The following CDH18 variants were observed in gnomAD, a reference collection of about 807,000 sequenced individuals.
CDH18 encodes the protein cadherin-18.
CDH18 carries 31 observed loss-of-function variants against 67.9 expected under a neutral mutation model. The ratio of observed to expected loss-of-function variants is 0.46; its 90% CI spans 0.34 to 0.62. CDH18 has a LOEUF of 0.62. Ranked by LOEUF, CDH18 falls within the 20% of genes least tolerant of loss-of-function variation. The probability of loss-of-function intolerance (pLI) is 0.01; values close to 1 mark genes in which losing one functional copy is unlikely to be tolerated. For synonymous variants in CDH18, 362 were observed against 347.2 expected (o/e 1.04, Z -0.48); for missense variants, 890 against 975.5 (o/e 0.91, Z 1.17).
chr5:19,935,469 A>G (rs966936564), intron 2 of CDH18, among the ~76,000 whole-genome samples: 3 of 151,350 alleles, frequency 2.0e-5, no homozygotes, highest in South Asian at 2.1e-4. Flanking sequence ...TGGATACACC[A>G]ATACCATTGT....
intron 1 of CDH18, among the ~76,000 whole-genome samples, chr5:20,372,098 G>A (rs1047840570): frequency 3.3e-4 from 50 of 152,154 alleles, no homozygotes; most frequent in African/African-American, 1.1e-3. Context: ...AACGAAATGG[G>A]TATCAGCTGA....
chr5:20,531,802 AG>A (rs1404144509), intron 1 of CDH18, among the ~76,000 whole-genome samples: 3 of 152,100 alleles, frequency 2.0e-5, no homozygotes, highest in Non-Finnish European at 2.9e-5. Flanking sequence ...CTTAATATCT[AG>A]GTGATGGGTA....
chr5:19,478,233 A>G (rs760574034), intron 12 of CDH18, among the ~76,000 whole-genome samples: 1 of 152,168 alleles, frequency 6.6e-6, no homozygotes, highest in Non-Finnish European at 1.5e-5. Flanking sequence ...AACCCATTCC[A>G]TACTGAATCT....
At chr5:19,755,502 C>T (rs1180243596) in intron 3 of CDH18, among the ~76,000 whole-genome samples, 9 of 98,424 alleles carry the variant, frequency 9.1e-5, no homozygotes, top group African/African-American at 2.3e-4. Context: ...CATATATATA[C>T]ACACACACAT....
intron 3 of CDH18, among the ~76,000 whole-genome samples, chr5:19,755,458 T>TATATATAC (rs1290776275): frequency 5.3e-4 from 5 of 9,444 alleles, no homozygotes; most frequent in African/African-American, 7.1e-4. Flanking sequence ...TATATATATA[T>TATATATAC]ACACACACAC....
At chr5:20,034,102 T>G (rs1424799063) in intron 2 of CDH18, among the ~76,000 whole-genome samples, 1 of 151,978 alleles carries the variant, frequency 6.6e-6, no homozygotes, top group African/African-American at 2.4e-5. Context: ...CATATGTGGA[T>G]GGAAATATGG....
chr5:19,522,819 T>C (rs971683678), intron 9 of CDH18, among the ~76,000 whole-genome samples: 1 of 140,870 alleles, frequency 7.1e-6, no homozygotes, highest in African/African-American at 2.7e-5. Flanking sequence ...CACTTGAACC[T>C]GGGAGGCGGA....
intron 5 of CDH18, among the ~76,000 whole-genome samples, chr5:19,699,174 G>T (rs1164104382): frequency 6.6e-6 from 1 of 151,946 alleles, no homozygotes; most frequent in Non-Finnish European, 1.5e-5. Flanking sequence ...ACAAGCACAG[G>T]CATACTCACT....
At chr5:19,636,940 A>T (rs550831213) in intron 5 of CDH18, among the ~76,000 whole-genome samples, 1 of 152,202 alleles carries the variant, frequency 6.6e-6, no homozygotes, top group East Asian at 1.9e-4. Flanking sequence ...AAGTGGTTTG[A>T]TTCTTCTCTT....
intron 8 of CDH18, among the ~76,000 whole-genome samples, chr5:19,556,675 GA>G (rs1738498325): frequency 6.6e-6 from 1 of 152,038 alleles, no homozygotes; most frequent in Non-Finnish European, 1.5e-5. Context: ...AGGAAGAAGA[GA>G]AATATAGGAG....
intron 2 of CDH18, among the ~76,000 whole-genome samples, chr5:20,053,030 T>TTC (rs1741571871): frequency 1.3e-5 from 2 of 151,282 alleles, no homozygotes; most frequent in Admixed American, 6.6e-5. Context: ...CAGTTTATTT[T>TTC]TTTTTTAACA....
intron 5 of CDH18, among the ~76,000 whole-genome samples, chr5:19,685,823 A>T (rs1380663013): frequency 6.6e-6 from 1 of 152,160 alleles, no homozygotes; most frequent in East Asian, 1.9e-4. Context: ...GGACACTGAC[A>T]AATCGACCAA....
chr5:20,011,868 T>A (rs532837558), intron 2 of CDH18, among the ~76,000 whole-genome samples: 97 of 152,298 alleles, frequency 6.4e-4, no homozygotes, highest in African/African-American at 2.2e-3. Flanking sequence ...TTTGCATCAA[T>A]GTTCATCAAG....
intron 2 of CDH18, among the ~76,000 whole-genome samples, chr5:20,107,680 C>G (rs1455835131): frequency 6.6e-6 from 1 of 152,094 alleles, no homozygotes; most frequent in African/African-American, 2.4e-5. Flanking sequence ...CCTTAGCTTG[C>G]CGATGGCTGT....
chr5:20,566,500 C>A (rs917467281), intron 1 of CDH18, among the ~76,000 whole-genome samples: 2 of 148,208 alleles, frequency 1.3e-5, no homozygotes, highest in Non-Finnish European at 3.0e-5. Flanking sequence ...GCTGGGAATA[C>A]AGGTTCGCGC....
intron 1 of CDH18, among the ~76,000 whole-genome samples, chr5:20,549,375 T>A (rs768824630): frequency 6.6e-6 from 1 of 152,170 alleles, no homozygotes; most frequent in African/African-American, 2.4e-5. Context: ...TCTGTGTGTC[T>A]TCTAATTTTT....
At chr5:19,626,260 A>C (rs1303135900) in intron 5 of CDH18, among the ~76,000 whole-genome samples, 1 of 152,206 alleles carries the variant, frequency 6.6e-6, no homozygotes, top group Non-Finnish European at 1.5e-5. Flanking sequence ...AGCCCATATT[A>C]AAGATATTAG....
chr5:19,814,125 A>C (rs1779038392), intron 3 of CDH18, among the ~76,000 whole-genome samples: 1 of 151,954 alleles, frequency 6.6e-6, no homozygotes, highest in Admixed American at 6.6e-5. Flanking sequence ...ATGACATTAA[A>C]ATAATTTAAA....
intron 6 of CDH18, among the ~76,000 whole-genome samples, chr5:19,612,176 TACC>T (rs966171306): frequency 2.0e-5 from 3 of 152,196 alleles, no homozygotes; most frequent in African/African-American, 7.2e-5. Flanking sequence ...CATTTTTTAG[TACC>T]ACCACATCAT....
Sources: allele counts gnomAD v4.1 joint callset (sites outside exome capture counted in the v4.1 genomes callset), GRCh38; gene constraint gnomAD v4.1.1; transcripts MANE v1.5; gene names NCBI Gene and HGNC (gene_info 2026-07-23, HGNC 2026-07-21).